The following DPP10 variants were observed in gnomAD, a reference collection of about 807,000 sequenced individuals.
The protein encoded by DPP10 is inactive dipeptidyl peptidase 10.
DPP10 carries 33 observed loss-of-function variants against 120.9 expected under a neutral mutation model. That is an observed-to-expected ratio of 0.27 (90% CI 0.21 to 0.37). The LOEUF (loss-of-function observed/expected upper bound fraction) is 0.37. DPP10 is among the 10% of genes least tolerant of loss of function. The pLI is 1.00. For missense variants in DPP10, 816 were observed against 942.8 expected (o/e 0.87, Z 1.76); for synonymous variants, 337 against 326.1 (o/e 1.03, Z -0.36).
intron 1 of DPP10, among the ~76,000 whole-genome samples, chr2:115,240,631 C>T (rs1390757846): frequency 1.3e-5 from 2 of 152,004 alleles, no homozygotes; most frequent in African/African-American, 2.4e-5. Flanking sequence ...AGCTCTTTAG[C>T]GTCAGCATGA....
intron 7 of DPP10, among the ~76,000 whole-genome samples, chr2:115,692,968 T>C (rs1559038173): frequency 6.6e-6 from 1 of 152,114 alleles, no homozygotes; most frequent in African/African-American, 2.4e-5. Context: ...GACCCTCAAA[T>C]ATTCAAAGAA....
chr2:114,643,935 AT>A (rs56039510), intron 1 of DPP10, among the ~76,000 whole-genome samples: 4,326 of 130,016 alleles, frequency 0.033, 89 homozygotes, highest in African/African-American at 0.065. Context: ...ATATATATAT[AT>A]TTTTTTTTTT....
intron 3 of DPP10, among the ~76,000 whole-genome samples, chr2:115,366,972 T>G (rs1204150730): frequency 6.6e-6 from 1 of 152,048 alleles, no homozygotes; most frequent in Non-Finnish European, 1.5e-5. Flanking sequence ...TATCCCGCAA[T>G]ATGTGGAATC....
At chr2:115,046,368 A>G (rs1336133964) in intron 1 of DPP10, among the ~76,000 whole-genome samples, 1 of 152,232 alleles carries the variant, frequency 6.6e-6, no homozygotes, top group Non-Finnish European at 1.5e-5. Context: ...ATTCTTGCAG[A>G]CTTTGAAGCT....
chr2:114,833,711 A>G (rs979309351), intron 1 of DPP10: 3 of 152,210 alleles, frequency 2.0e-5, no homozygotes, highest in African/African-American at 7.2e-5. Context: ...ACTATTACAT[A>G]CGTCATTGTG....
intron 3 of DPP10, among the ~76,000 whole-genome samples, chr2:115,451,765 AAATT>A (rs1164971986): frequency 1.3e-5 from 2 of 152,004 alleles, no homozygotes; most frequent in East Asian, 1.9e-4. Flanking sequence ...AACATTATAA[AAATT>A]AACGCATAAA....
intron 1 of DPP10, among the ~76,000 whole-genome samples, chr2:114,803,526 A>C (rs1684450941): frequency 6.6e-6 from 1 of 152,192 alleles, no homozygotes; most frequent in Non-Finnish European, 1.5e-5. Flanking sequence ...GCTGATAGTG[A>C]TATGGACAAT....
intron 1 of DPP10, among the ~76,000 whole-genome samples, chr2:114,710,019 T>A (rs891128815): frequency 2.6e-5 from 4 of 152,208 alleles, no homozygotes; most frequent in Non-Finnish European, 5.9e-5. Flanking sequence ...CCACACTCTT[T>A]TGAGCTTTTC....
intron 1 of DPP10, among the ~76,000 whole-genome samples, chr2:114,903,051 A>G (rs1395782854): frequency 6.6e-6 from 1 of 152,156 alleles, no homozygotes; most frequent in Non-Finnish European, 1.5e-5. Context: ...GAGTCATACA[A>G]TATGTAGACT....
intron 12 of DPP10, among the ~76,000 whole-genome samples, chr2:115,766,353 T>TCA (rs1470854067): frequency 7.2e-5 from 10 of 138,848 alleles, no homozygotes; most frequent in African/African-American, 2.4e-4. Flanking sequence ...TATATATATA[T>TCA]ATCACTCTAT....
chr2:115,489,085 T>A (rs1020366369), intron 3 of DPP10, among the ~76,000 whole-genome samples: 1 of 152,048 alleles, frequency 6.6e-6, no homozygotes, highest in Non-Finnish European at 1.5e-5. Flanking sequence ...AAACAATTAA[T>A]AGGCTAACAC....
intron 1 of DPP10, among the ~76,000 whole-genome samples, chr2:114,492,306 A>T (rs1682073744): frequency 6.6e-6 from 1 of 152,130 alleles, no homozygotes; most frequent in Admixed American, 6.6e-5. Context: ...ATTTTAAGAC[A>T]TTTCATGAGA....
chr2:114,586,269 G>A (rs970761310), intron 1 of DPP10, among the ~76,000 whole-genome samples: 1 of 151,982 alleles, frequency 6.6e-6, no homozygotes, highest in African/African-American at 2.4e-5. Flanking sequence ...GCAAGCAAGC[G>A]AACAACAACA....
chr2:114,657,841 T>C (rs181137935), intron 1 of DPP10, among the ~76,000 whole-genome samples: 11 of 152,304 alleles, frequency 7.2e-5, no homozygotes, highest in Middle Eastern at 3.4e-3. Flanking sequence ...AAATACTCTT[T>C]AAACTTCTGT....
At chr2:114,601,019 C>T (rs1406317610) in intron 1 of DPP10, among the ~76,000 whole-genome samples, 2 of 151,866 alleles carry the variant, frequency 1.3e-5, no homozygotes, top group South Asian at 2.1e-4. Flanking sequence ...TCCCAACTTA[C>T]CTTAGAAGGC....
At chr2:115,187,304 G>A (rs2054536186) in intron 1 of DPP10, among the ~76,000 whole-genome samples, 1 of 152,006 alleles carries the variant, frequency 6.6e-6, no homozygotes, top group Non-Finnish European at 1.5e-5. Context: ...CCAAAGTGCT[G>A]GGATTACAGG....
intron 5 of DPP10, among the ~76,000 whole-genome samples, chr2:115,650,567 A>G (rs1226887899): frequency 6.6e-6 from 1 of 152,030 alleles, no homozygotes; most frequent in Non-Finnish European, 1.5e-5. Flanking sequence ...TCTATTTCAT[A>G]TATTTTGTCA....
At chr2:114,838,416 C>A (rs185061536) in intron 1 of DPP10, among the ~76,000 whole-genome samples, 1 of 151,934 alleles carries the variant, frequency 6.6e-6, no homozygotes, top group African/African-American at 2.4e-5. Flanking sequence ...CGGATTTGAG[C>A]GACCCTCCCA....
intron 1 of DPP10, among the ~76,000 whole-genome samples, chr2:114,606,481 A>G (rs917089891): frequency 5.9e-5 from 9 of 152,198 alleles, no homozygotes; most frequent in Admixed American, 5.9e-4. Flanking sequence ...ATCTAGGTTT[A>G]TCAATATTCT....
Sources: allele counts gnomAD v4.1 joint callset (sites outside exome capture counted in the v4.1 genomes callset), GRCh38; gene constraint gnomAD v4.1.1; transcripts MANE v1.5; gene names NCBI Gene and HGNC (gene_info 2026-07-23, HGNC 2026-07-21).